ZNF804A: variants seen among roughly 807,000 people sequenced by gnomAD.
ZNF804A encodes zinc finger protein 804A.
ZNF804A carries 2 observed loss-of-function variants against 16.5 expected under a neutral mutation model. The ratio of observed to expected loss-of-function variants is 0.12; its 90% CI spans 0.05 to 0.38. ZNF804A has a LOEUF of 0.38. Ranked by LOEUF, ZNF804A falls within the 10% of genes least tolerant of loss-of-function variation. The pLI, the probability that ZNF804A is intolerant of heterozygous loss-of-function variation, is 0.99. For synonymous variants in ZNF804A, 534 were observed against 489.6 expected (o/e 1.09, Z -1.20); for missense variants, 1,473 against 1,390.7 (o/e 1.06, Z -0.94).
chr2:184,831,182 T>A (rs1173975786), intron 1 of ZNF804A, among the ~76,000 whole-genome samples: 1 of 152,152 alleles, frequency 6.6e-6, no homozygotes, highest in Non-Finnish European at 1.5e-5. Context: ...CGCCCGCTTT[T>A]ATATGTTATT....
At chr2:184,733,762 G>A (rs1428600767) in intron 1 of ZNF804A, among the ~76,000 whole-genome samples, 1 of 152,090 alleles carries the variant, frequency 6.6e-6, no homozygotes, top group Non-Finnish European at 1.5e-5. Flanking sequence ...GGCTTTTAAA[G>A]AAATTGTCCC....
intron 1 of ZNF804A, among the ~76,000 whole-genome samples, chr2:184,758,601 A>G (rs879151868): frequency 1.3e-5 from 2 of 151,986 alleles, no homozygotes; most frequent in Admixed American, 1.3e-4. Context: ...TTTATTTATC[A>G]AGTCTAATAT....
intron 1 of ZNF804A, among the ~76,000 whole-genome samples, chr2:184,791,501 C>T (rs897761388): frequency 3.9e-5 from 6 of 152,008 alleles, no homozygotes; most frequent in African/African-American, 1.2e-4. Context: ...TCTTGTCCCT[C>T]GATTTGTTTT....
At chr2:184,924,194 A>G (rs1685574185) in intron 2 of ZNF804A, among the ~76,000 whole-genome samples, 1 of 151,886 alleles carries the variant, frequency 6.6e-6, no homozygotes, top group African/African-American at 2.4e-5. Context: ...TAAAGTCATC[A>G]GGTGCTGGGA....
At chr2:184,709,979 G>A (rs935587362) in intron 1 of ZNF804A, among the ~76,000 whole-genome samples, 1 of 150,662 alleles carries the variant, frequency 6.6e-6, no homozygotes, top group Non-Finnish European at 1.5e-5. Context: ...TAAATATATA[G>A]TATTTATATT....
chr2:184,885,308 T>A (rs1684871968), intron 2 of ZNF804A, among the ~76,000 whole-genome samples: 1 of 152,200 alleles, frequency 6.6e-6, no homozygotes, highest in South Asian at 2.1e-4. Context: ...GAAAGCAGAA[T>A]TAACCTTTGA....
intron 1 of ZNF804A, among the ~76,000 whole-genome samples, chr2:184,755,895 T>C (rs1201009557): frequency 6.6e-6 from 1 of 152,038 alleles, no homozygotes; most frequent in East Asian, 1.9e-4. Context: ...GAGAATATAT[T>C]TGAAATACAC....
rs180683551 is a variant in ZNF804A, at chr2:184,869,835, C to T, written c.255+3323C>T. On this transcript the variant is annotated intron_variant, in intron 2 of 3. Transcript: ENST00000302277. ...GACAGAATATGTGTTGCTTTGAACT[C>T]TAAACTTCAAAGGAAATTCGGTTTC... is the stretch of plus-strand genomic sequence containing the variant. 2.0e-5 allele frequency among the ~76,000 whole-genome samples: 3 copies of T among 152,140 alleles called. No homozygotes were observed. In the East Asian group the frequency reaches 5.8e-4, roughly 29 times the overall value.
chr2:184,714,193 A>T (rs934342100), intron 1 of ZNF804A, among the ~76,000 whole-genome samples: 1 of 152,040 alleles, frequency 6.6e-6, no homozygotes, highest in Admixed American at 6.6e-5. Flanking sequence ...AATTTGAATT[A>T]AAATACAAAA....
intron 1 of ZNF804A, among the ~76,000 whole-genome samples, chr2:184,840,201 C>A (rs1043451565): frequency 2.0e-5 from 3 of 152,084 alleles, no homozygotes; most frequent in Non-Finnish European, 2.9e-5. Flanking sequence ...CCAGCCTGAC[C>A]AACATGGTGA....
chr2:184,865,289 T>G (rs1695863020), intron 1 of ZNF804A, among the ~76,000 whole-genome samples: 1 of 151,968 alleles, frequency 6.6e-6, no homozygotes, highest in Admixed American at 6.5e-5. Context: ...GAATAATGTT[T>G]ACACACGGAA....
Position 184,895,784 on chromosome 2 carries a change from G to A in ZNF804A, c.255+29272G>A, listed in dbSNP as rs181615914. Among the ~76,000 whole-genome samples, 1,283 of 152,254 alleles carry A rather than the reference G, an allele frequency of 8.4e-3. 12 individuals are homozygous for A. The highest frequency in any genetic ancestry group is 0.061 in the Middle Eastern group (18 of 294). On this transcript the variant is annotated intron_variant, in intron 2 of 3. Transcript: ENST00000302277. ...TGTTTAGTAATTTCACTGTAAAAAAGTAAATTTGCAGTAAATCTAAAATGT... is the reference window on the plus strand; with the variant it reads ...TGTTTAGTAATTTCACTGTAAAAAAATAAATTTGCAGTAAATCTAAAATGT...
At chr2:184,751,871 C>CA (rs571797076) in intron 1 of ZNF804A, among the ~76,000 whole-genome samples, 10 of 150,854 alleles carry the variant, frequency 6.6e-5, no homozygotes, top group South Asian at 6.2e-4. Context: ...ACAAACACCA[C>CA]AAAAAAAATG....
At chr2:184,695,378 G>A (rs1692814390) in intron 1 of ZNF804A, among the ~76,000 whole-genome samples, 1 of 149,044 alleles carries the variant, frequency 6.7e-6, no homozygotes, top group Non-Finnish European at 1.5e-5. Context: ...GGAGAATGGC[G>A]TGAACCCGGT....
At chr2:184,770,944 A>C (rs1422930126) in intron 1 of ZNF804A, among the ~76,000 whole-genome samples, 1 of 152,088 alleles carries the variant, frequency 6.6e-6, no homozygotes, top group South Asian at 2.1e-4. Context: ...TATTTCACCC[A>C]AAGACAGATA....
intron 3 of ZNF804A, 72 bp from the exon 4 acceptor site, chr2:184,935,711 G>T: frequency 6.9e-7 from 1 of 1,458,224 alleles, no homozygotes; most frequent in Non-Finnish European, 9.1e-7. Context: ...ACTTTTTAAA[G>T]ATGAAAATAT....
At chr2:184,889,543 AAAT>A (rs1684948721) in intron 2 of ZNF804A, among the ~76,000 whole-genome samples, 1 of 152,140 alleles carries the variant, frequency 6.6e-6, no homozygotes, top group South Asian at 2.1e-4. Context: ...TTAAAATAAA[AAAT>A]AATAACATTT....
At chr2:184,720,327 T>C (rs539362852) in intron 1 of ZNF804A, among the ~76,000 whole-genome samples, 2 of 152,320 alleles carry the variant, frequency 1.3e-5, no homozygotes, top group African/African-American at 4.8e-5. Flanking sequence ...ATATTGTTCC[T>C]TTTTACTTAT....
At chr2:184,603,350 A>C (rs1212808559) in intron 1 of ZNF804A, among the ~76,000 whole-genome samples, 2 of 152,184 alleles carry the variant, frequency 1.3e-5, no homozygotes, top group Non-Finnish European at 2.9e-5. Flanking sequence ...CTTGTCACTC[A>C]GGACGTTGTC....
Sources: gnomAD v4.1 joint callset for allele counts (sites outside exome capture counted in the v4.1 genomes callset) on GRCh38, gnomAD v4.1.1 for gene constraint, MANE v1.5 for transcripts, NCBI Gene and HGNC (gene_info 2026-07-23, HGNC 2026-07-21) for gene names.